The following RPS24 variants were observed in gnomAD, a reference collection of about 807,000 sequenced individuals.
The protein encoded by RPS24 is small ribosomal subunit protein eS24.
For synonymous variants in RPS24, 72 were observed against 55.6 expected (o/e 1.30, Z -1.31); for missense variants, 100 against 162.5 (o/e 0.62, Z 2.09).
intron 4 of RPS24, chr10:78,049,223 A>C (rs1333416388): frequency 6.6e-6 from 1 of 152,104 alleles, no homozygotes; most frequent in East Asian, 1.9e-4. Flanking sequence ...TTGCTTTTTT[A>C]AGGTAACAAA....
chr10:78,037,025 C>G (rs990360032), intron 3 of RPS24, among the ~76,000 whole-genome samples, 169 bp from the exon 4 acceptor site: 12 of 152,164 alleles, frequency 7.9e-5, no homozygotes, highest in Admixed American at 3.9e-4. Flanking sequence ...CCTAAAATCC[C>G]TTGATGATCC....
At chr10:78,052,482 G>A (rs1848108870) in intron 4 of RPS24, among the ~76,000 whole-genome samples, 1 of 152,162 alleles carries the variant, frequency 6.6e-6, no homozygotes, top group Non-Finnish European at 1.5e-5. Flanking sequence ...TTTACAAGGT[G>A]GGGATTATTG....
chr10:78,037,162 A>C, intron 3 of RPS24, 32 bp from the exon 4 acceptor site: 1 of 1,578,744 alleles, frequency 6.3e-7, no homozygotes, highest in Non-Finnish European at 8.6e-7. Flanking sequence ...TAATGTTTAC[A>C]AGTCACCTGG....
rs1847888846 is a variant in RPS24, at chr10:78,037,193, G to T, written c.280-1G>T. The T allele has an allele frequency of 6.3e-7, 1 of 1,599,016 alleles. No individual in the cohort carries two copies. On this transcript the variant is annotated splice_acceptor_variant, in intron 3 of 5. Transcript: ENST00000372360. LOFTEE classifies it high-confidence loss of function. ...CCTGGATGTACTCTTTTCTCATTCA[G>T]CATGGCCTGTATGAGAAGAAAAAGA...
intron 1 of RPS24, 59 bp downstream of exon 1, chr10:78,033,963 T>A: frequency 6.2e-7 from 1 of 1,605,504 alleles, no homozygotes. Flanking sequence ...CCGTGGTCCC[T>A]GGGTCCCAGT....
At chr10:78,043,975 C>T (rs1415689821), downstream of RPS24, among the ~76,000 whole-genome samples, 1 of 152,126 alleles carries the variant, frequency 6.6e-6, no homozygotes, top group African/African-American at 2.4e-5. Flanking sequence ...CTCCCTTCCA[C>T]ATAGGCATTT....
chr10:78,046,157 C>T (rs1417287865), intron 4 of RPS24, among the ~76,000 whole-genome samples: 4 of 152,048 alleles, frequency 2.6e-5, no homozygotes, highest in African/African-American at 9.7e-5. Context: ...GGAAGCTGGA[C>T]TGAAGTTTCT....
At chr10:78,037,358 T>G in intron 4 of RPS24, 54 bp downstream of exon 4, 1 of 1,544,470 alleles carries the variant, frequency 6.5e-7, no homozygotes, top group South Asian at 1.2e-5. Flanking sequence ...GTCTTTAGTT[T>G]CTAGGAAAGA....
downstream of RPS24, among the ~76,000 whole-genome samples, chr10:78,044,348 G>A (rs1234028375): frequency 1.3e-5 from 2 of 152,162 alleles, no homozygotes; most frequent in Admixed American, 1.3e-4. Context: ...GGGGAAGAGA[G>A]GATGACACTG....
rs779617297 is a variant in RPS24 at position 78,052,521 on chromosome 10, T to TA, written c.391-2002dup. ...CCATTTCATAGTGTGATGAGGATGC[T>TA]AAAAAAAAGCAAATGTTGCCTCTAG... On this transcript the variant is annotated intron_variant, in intron 4 of 4. Coordinates refer to the RPS24 transcript ENST00000440692. Among the ~76,000 whole-genome samples the TA allele has an allele frequency of 7.7e-4, 117 of 152,110 alleles. 1 individual carries two copies. The highest frequency in any genetic ancestry group is 6.8e-3 in the Middle Eastern group (2 of 294).
rs759006369 is a variant in RPS24, at chr10:78,035,503, C to T, written c.70-8C>T. 1.9e-6 allele frequency: 3 copies of T among 1,613,864 alleles called. No individual in the cohort carries two copies. Among genetic ancestry groups the T allele is most frequent in the South Asian group, 2.2e-5 (2 of 91,078 alleles). ...ATACTGAATGCTAAACTTGATATCTCCTTTTAGGTCATTGATGTCCTTCAC... is the reference window on the plus strand; with the variant it reads ...ATACTGAATGCTAAACTTGATATCTTCTTTTAGGTCATTGATGTCCTTCAC... On this transcript the variant is annotated splice_polypyrimidine_tract_variant and splice_region_variant and intron_variant, in intron 2 of 5. Transcript: ENST00000372360.
At chr10:78,052,423 T>G (rs528903505) in intron 4 of RPS24, among the ~76,000 whole-genome samples, 1 of 152,340 alleles carries the variant, frequency 6.6e-6, no homozygotes, top group African/African-American at 2.4e-5. Context: ...TGCCTACTAT[T>G]CACTGTGTTG....
intron 3 of RPS24, chr10:78,036,169 A>G (rs1237057010): frequency 4.7e-6 from 1 of 213,620 alleles, no homozygotes; most frequent in African/African-American, 2.3e-5. Flanking sequence ...CTTACATTCT[A>G]GTAAACAAGT....
chr10:78,046,346 C>CT (rs57003851), intron 4 of RPS24, among the ~76,000 whole-genome samples: 4,406 of 126,094 alleles, frequency 0.035, 147 homozygotes, highest in Middle Eastern at 0.059. Context: ...TCTCATTTAC[C>CT]TTTTTTTTTT....
chr10:78,035,468 G>A (rs372914383), intron 2 of RPS24, 43 bp from the exon 3 acceptor site: 2 of 1,612,194 alleles, frequency 1.2e-6, no homozygotes, highest in African/African-American at 2.7e-5. Flanking sequence ...CTCTAAAGAT[G>A]TATTTTATCA....
rs760997578 is a variant in RPS24, at chr10:78,037,967, A to G, written c.390+663A>G. 22 of 1,265,970 alleles carry G rather than the reference A, an allele frequency of 1.7e-5. No homozygotes were observed. In the South Asian group the frequency reaches 1.8e-4, roughly 10 times the overall value. 78.4% of individuals were successfully genotyped at this position (1,265,970 alleles called of 1,614,324 possible). A position where few individuals can be genotyped will look rare whatever the true frequency, so the allele number is the denominator to read the frequency against. On this transcript the variant is annotated intron_variant, in intron 4 of 5. Coordinates refer to ENST00000372360, the MANE Select transcript of RPS24 (RefSeq NM_033022.4). ...TTCTTGGATTTCTTGTTCATCAGAA[A>G]TGAAGTGTCTAGCAGGTACTGAGAT...
chr10:78,052,058 C>A (rs949242557), intron 4 of RPS24, among the ~76,000 whole-genome samples: 2 of 151,300 alleles, frequency 1.3e-5, no homozygotes, highest in African/African-American at 4.8e-5. Flanking sequence ...CAGGGCCTTG[C>A]CCTGTCGCCC....
intron 1 of RPS24, 114 bp downstream of exon 1, chr10:78,034,018 G>C (rs1009187993): frequency 1.1e-5 from 15 of 1,334,282 alleles, no homozygotes; most frequent in Non-Finnish European, 1.6e-5. Context: ...TTCTCTGGCC[G>C]TTTCTGTCAG....
chr10:78,040,770 C>T, downstream of RPS24: 1 of 1,083,518 alleles, frequency 9.2e-7, no homozygotes, highest in East Asian at 2.5e-5. Context: ...ATTTCAGTTG[C>T]TGTCCAAGTT....
Sources: gnomAD v4.1 joint callset for allele counts (sites outside exome capture counted in the v4.1 genomes callset) on GRCh38, gnomAD v4.1.1 for gene constraint, MANE v1.5 for transcripts, NCBI Gene and HGNC (gene_info 2026-07-23, HGNC 2026-07-21) for gene names.